SH2D4A: variants seen among roughly 807,000 people sequenced by gnomAD.
SH2D4A encodes SH2 domain containing 4A, also known as SH2 domain-containing protein 4A.
SH2D4A carries 70 observed loss-of-function variants against 64.7 expected under a neutral mutation model. That is an observed-to-expected ratio of 1.08 (90% CI 0.89 to 1.32). The LOEUF (loss-of-function observed/expected upper bound fraction) is 1.32, where lower values mean the gene tolerates loss of function less well. Ranked by LOEUF, SH2D4A falls within the 40% of genes most tolerant of loss-of-function variation. SH2D4A has a pLI of 0.00. For missense variants in SH2D4A, 706 were observed against 540.1 expected (o/e 1.31, Z -3.04); for synonymous variants, 268 against 200.7 (o/e 1.34, Z -2.83).
intron 2 of SH2D4A, among the ~76,000 whole-genome samples, chr8:19,324,486 C>A (rs2052243390): frequency 6.6e-6 from 1 of 152,194 alleles, no homozygotes; most frequent in African/African-American, 2.4e-5. Flanking sequence ...GAACTCACTG[C>A]ATGCAGTAGG....
At chr8:19,331,537 A>G (rs745589801) in intron 2 of SH2D4A, among the ~76,000 whole-genome samples, 44 of 152,290 alleles carry the variant, frequency 2.9e-4, no homozygotes, top group Non-Finnish European at 5.0e-4. Context: ...CAGGAGCACT[A>G]GGATATAATC....
chr8:19,346,902 G>C (rs936460284), intron 4 of SH2D4A, among the ~76,000 whole-genome samples: 1 of 152,168 alleles, frequency 6.6e-6, no homozygotes, highest in African/African-American at 2.4e-5. Context: ...CTTATCAGGA[G>C]GCCAGGCTTC....
chr8:19,313,840 G>A lies in SH2D4A; in HGVS notation c.-205+17G>A, dbSNP rs1363457944. 2.3e-5 allele frequency: 34 copies of A among 1,476,220 alleles called. No individual in the cohort carries two copies. The highest frequency in any genetic ancestry group is 2.9e-5 in the Non-Finnish European group (32 of 1,119,844). 91.4% of individuals were successfully genotyped at this position (1,476,220 alleles called of 1,614,324 possible). On this transcript the variant is annotated intron_variant, in intron 1 of 9. Transcript: ENST00000265807. ...CCAGCACTGGTAGGTGCTGGGGGTGGGGCGAGGCTTTGGGGAGAGTGTGCG... is the reference window on the plus strand; with the variant it reads ...CCAGCACTGGTAGGTGCTGGGGGTGAGGCGAGGCTTTGGGGAGAGTGTGCG...
chr8:19,373,455 T>TATATATATATACACACACACACACCC, intron 7 of SH2D4A, 75 bp from the exon 8 acceptor site: 2 of 962,230 alleles, frequency 2.1e-6, no homozygotes, highest in African/African-American at 3.6e-5. Context: ...TATATATATA[T>TATATATATATACACACACACACACCC]ATATATATAT....
chr8:19,365,888 A>C (rs1407828249), intron 7 of SH2D4A, among the ~76,000 whole-genome samples: 2 of 152,176 alleles, frequency 1.3e-5, no homozygotes, highest in Non-Finnish European at 2.9e-5. Context: ...AGCTAGTAAG[A>C]GAATGTATAA....
intron 7 of SH2D4A, among the ~76,000 whole-genome samples, chr8:19,366,929 T>C (rs2053006841): frequency 6.6e-6 from 1 of 152,242 alleles, no homozygotes; most frequent in African/African-American, 2.4e-5. Context: ...CAGGACATTA[T>C]TCTTTTTATG....
At chr8:19,386,931 C>T (rs1216431690) in intron 8 of SH2D4A, among the ~76,000 whole-genome samples, 3 of 152,186 alleles carry the variant, frequency 2.0e-5, no homozygotes, top group African/African-American at 7.2e-5. Flanking sequence ...AGGTGTATAC[C>T]ACCACACCCA....
chr8:19,368,341 A>C (rs188855703), intron 7 of SH2D4A, among the ~76,000 whole-genome samples: 11 of 152,140 alleles, frequency 7.2e-5, no homozygotes, highest in Non-Finnish European at 1.6e-4. Flanking sequence ...GGCAATTCGT[A>C]GTAGTCTTTT....
chr8:19,348,160 A>G (rs1296085234), intron 4 of SH2D4A, among the ~76,000 whole-genome samples: 1 of 152,142 alleles, frequency 6.6e-6, no homozygotes, highest in African/African-American at 2.4e-5. Context: ...CCACGGTGCA[A>G]TAATGAGTCA....
At chr8:19,326,885 C>T (rs2052290054) in intron 2 of SH2D4A, among the ~76,000 whole-genome samples, 2 of 152,222 alleles carry the variant, frequency 1.3e-5, no homozygotes, top group South Asian at 4.1e-4. Flanking sequence ...ATGCCCACAT[C>T]TCACCCTCAG....
At chr8:19,338,496 C>T (rs1234050709) in intron 4 of SH2D4A, among the ~76,000 whole-genome samples, 1 of 152,192 alleles carries the variant, frequency 6.6e-6, no homozygotes, top group East Asian at 1.9e-4. Context: ...AGCTTAATCG[C>T]ATGAGTCCTT....
intron 8 of SH2D4A, among the ~76,000 whole-genome samples, chr8:19,377,063 T>C (rs1002704703): frequency 6.6e-6 from 1 of 152,216 alleles, no homozygotes; most frequent in Admixed American, 6.5e-5. Flanking sequence ...CCATATTTAC[T>C]TCATATCTGT....
chr8:19,376,485 G>T (rs1405206922), intron 8 of SH2D4A, among the ~76,000 whole-genome samples: 1 of 152,120 alleles, frequency 6.6e-6, no homozygotes, highest in East Asian at 1.9e-4. Flanking sequence ...AGCTGGACAT[G>T]GTGGTGCACA....
chr8:19,363,510 G>A (rs1395064319), intron 6 of SH2D4A, among the ~76,000 whole-genome samples: 2 of 152,060 alleles, frequency 1.3e-5, no homozygotes, highest in Admixed American at 6.5e-5. Context: ...GTACTTTTTT[G>A]TGTACTAATG....
chr8:19,381,189 AAAGGCAACCACCACC>A (rs2053287438), intron 8 of SH2D4A, among the ~76,000 whole-genome samples: 1 of 152,080 alleles, frequency 6.6e-6, no homozygotes, highest in South Asian at 2.1e-4. Flanking sequence ...AGCTGGAATT[AAAGGCAACCACCACC>A]ATGCCTGGCT....
At chr8:19,365,776 G>A (rs929869186) in intron 7 of SH2D4A, among the ~76,000 whole-genome samples, 2 of 151,278 alleles carry the variant, frequency 1.3e-5, no homozygotes, top group Non-Finnish European at 2.9e-5. Context: ...GATGGCAGAG[G>A]TCACCTCAGA....
At chr8:19,350,580 C>A (rs901730525) in intron 4 of SH2D4A, among the ~76,000 whole-genome samples, 1 of 152,062 alleles carries the variant, frequency 6.6e-6, no homozygotes, top group South Asian at 2.1e-4. Flanking sequence ...CCTCCCCAGG[C>A]TCAGGTGATC....
At chr8:19,363,917 C>T (rs1472774707) in intron 6 of SH2D4A, 155 bp from the exon 7 acceptor site, 20 of 690,964 alleles carry the variant, frequency 2.9e-5, no homozygotes, top group Middle Eastern at 4.1e-4. Context: ...CCCTAATGGC[C>T]TGGATCATAG....
At chr8:19,351,029 C>G in intron 4 of SH2D4A, among the ~76,000 whole-genome samples, 1 of 152,110 alleles carries the variant, frequency 6.6e-6, no homozygotes, top group East Asian at 1.9e-4. Context: ...TGTTAGTCTA[C>G]TTGGCCTTAG....
Sources: gnomAD v4.1 joint callset for allele counts (sites outside exome capture counted in the v4.1 genomes callset) on GRCh38, gnomAD v4.1.1 for gene constraint, MANE v1.5 for transcripts, NCBI Gene and HGNC (gene_info 2026-07-23, HGNC 2026-07-21) for gene names.